Variants in IQGAP2 observed in about 807,000 individuals in gnomAD.
IQGAP2 encodes the protein ras GTPase-activating-like protein IQGAP2.
Under a neutral mutation model 201.3 loss-of-function variants are expected in IQGAP2, and 173 were observed. The ratio of observed to expected loss-of-function variants is 0.86; its 90% confidence interval spans 0.76 to 0.98. IQGAP2 has a LOEUF of 0.98. Ranked by LOEUF, IQGAP2 falls within the 50% of genes least tolerant of loss-of-function variation. The pLI, the probability that IQGAP2 is intolerant of heterozygous loss-of-function variation, is 0.00. For missense variants in IQGAP2, 1,687 were observed against 1,864.8 expected, an observed-to-expected ratio of 0.90 and a Z score of 1.76; for synonymous variants, 675 against 673.9, an observed-to-expected ratio of 1.00 and a Z score of -0.03.
At chr5:76,428,118 C>A (rs1487372431) in intron 1 of IQGAP2, among the ~76,000 whole-genome samples, 1 of 152,222 alleles carries the variant, frequency 6.6e-6, no homozygotes, top group Non-Finnish European at 1.5e-5. Flanking sequence ...TATTTGGTGG[C>A]TCCCTGGGTG....
intron 33 of IQGAP2, among the ~76,000 whole-genome samples, chr5:76,698,630 C>T (rs1355508989): frequency 1.3e-5 from 2 of 152,128 alleles, no homozygotes; most frequent in Non-Finnish European, 2.9e-5. Flanking sequence ...TGTCTATTAT[C>T]CATTAGCATA....
intron 16 of IQGAP2, among the ~76,000 whole-genome samples, chr5:76,640,506 C>G (rs2150401664): frequency 6.6e-6 from 1 of 152,308 alleles, no homozygotes; most frequent in African/African-American, 2.4e-5. Flanking sequence ...CTACTCTGGC[C>G]TGGGGAAGAA....
At chr5:76,541,651 A>C (rs1287954768) in intron 2 of IQGAP2, among the ~76,000 whole-genome samples, 1 of 152,208 alleles carries the variant, frequency 6.6e-6, no homozygotes, top group Non-Finnish European at 1.5e-5. Context: ...CTAACAGTTC[A>C]TAAGTGTTTC....
rs1484524751 is a variant in IQGAP2 at position 76,623,061 on chromosome 5, T to C, written c.1522-4349T>C. Reference sequence around the variant, plus strand: ...TTAATAATAAAGATCAAACTGCCTTTGGGGTTTACAGTTTGTGTGAGATGC... The same window carrying C: ...TTAATAATAAAGATCAAACTGCCTTCGGGGTTTACAGTTTGTGTGAGATGC... On this transcript the variant is annotated intron_variant, in intron 13 of 35. Coordinates refer to ENST00000274364, the MANE Select transcript of IQGAP2 (RefSeq NM_006633.5). 5 of 975,196 alleles carry C rather than the reference T, an allele frequency of 5.1e-6. No homozygotes were observed. The African/African-American group carries it at 8.1e-5, about 16-fold the overall frequency. The allele number at this position is 975,196 out of a possible 1,614,324, so 60.4% of individuals were successfully genotyped here.
At chr5:76,691,814 T>C (rs1746284964) in intron 30 of IQGAP2, 1 of 152,248 alleles carries the variant, frequency 6.6e-6, no homozygotes, top group Non-Finnish European at 1.5e-5. Context: ...AGATGGCTTA[T>C]TGGATTTTAT....
rs78114638 is a variant in IQGAP2 at position 76,581,926 on chromosome 5, A to G, written c.458+6157A>G. ...AAAACCACTTTGATAGGTTATCAAT[A>G]AGTGTTTGTATACAAAGGACACATT... On this transcript the variant is annotated intron_variant, in intron 5 of 35. Transcript: ENST00000274364. Among the ~76,000 whole-genome samples, 1,395 of 152,374 alleles carry G rather than the reference A, an allele frequency of 9.2e-3. 23 individuals carry two copies. The highest frequency in any genetic ancestry group is 0.031 in the African/African-American group (1,305 of 41,580).
At chr5:76,590,651 C>G in intron 8 of IQGAP2, 65 bp downstream of exon 8, 1 of 1,257,960 alleles carries the variant, frequency 7.9e-7, no homozygotes, top group Non-Finnish European at 1.1e-6. Context: ...TTTGAAAAGC[C>G]TTAATGTTGA....
intron 13 of IQGAP2, 138 bp from the exon 14 acceptor site, chr5:76,627,272 C>T: frequency 1.5e-6 from 1 of 687,304 alleles, no homozygotes; most frequent in East Asian, 2.8e-5. Context: ...GGAGTGTGTA[C>T]AGTATATGGC....
At chr5:76,665,505 G>A (rs1025008950) in intron 22 of IQGAP2, among the ~76,000 whole-genome samples, 6 of 151,942 alleles carry the variant, frequency 3.9e-5, no homozygotes, top group Admixed American at 3.3e-4. Flanking sequence ...ATTATACTAC[G>A]GTTACCTTCA....
intron 21 of IQGAP2, among the ~76,000 whole-genome samples, chr5:76,662,816 G>A (rs1161378880): frequency 6.6e-6 from 1 of 152,132 alleles, no homozygotes; most frequent in Non-Finnish European, 1.5e-5. Context: ...TAAAACAAGG[G>A]GGAAATGTTG....
chr5:76,589,490 T>A, intron 6 of IQGAP2, 125 bp from the exon 7 acceptor site: 1 of 550,082 alleles, frequency 1.8e-6, no homozygotes, highest in Non-Finnish European at 3.2e-6. Flanking sequence ...TTCCTAAGGC[T>A]CTTGTTTACA....
chr5:76,518,225 G>C (rs1006207537), intron 2 of IQGAP2, among the ~76,000 whole-genome samples: 1 of 152,132 alleles, frequency 6.6e-6, no homozygotes, highest in African/African-American at 2.4e-5. Context: ...GCCTCCCAAA[G>C]TGCTGGAATT....
chr5:76,482,883 C>A (rs777799680), intron 2 of IQGAP2, among the ~76,000 whole-genome samples: 1 of 152,036 alleles, frequency 6.6e-6, no homozygotes, highest in Non-Finnish European at 1.5e-5. Flanking sequence ...CCTGAGTGGC[C>A]TTGAGCAAAG....
intron 9 of IQGAP2, among the ~76,000 whole-genome samples, 171 bp downstream of exon 9, chr5:76,593,096 C>T (rs1383750023): frequency 6.6e-6 from 1 of 152,146 alleles, no homozygotes. Flanking sequence ...TTGGCAGTTT[C>T]CCACTGGGCT....
chr5:76,414,031 G>C (rs1405682690), intron 1 of IQGAP2, among the ~76,000 whole-genome samples: 1 of 152,194 alleles, frequency 6.6e-6, no homozygotes, highest in Non-Finnish European at 1.5e-5. Flanking sequence ...GTGAAGCTCA[G>C]CTGAGAGGAC....
chr5:76,607,298 T>G (rs1368433865), intron 12 of IQGAP2: 1 of 152,210 alleles, frequency 6.6e-6, no homozygotes, highest in Non-Finnish European at 1.5e-5. Context: ...TTTTCTTTGC[T>G]GTTTCCTGTG....
chr5:76,624,668 G>A (rs1750052916), intron 13 of IQGAP2, among the ~76,000 whole-genome samples: 1 of 152,112 alleles, frequency 6.6e-6, no homozygotes, highest in Admixed American at 6.6e-5. Context: ...CCTAGTTTCT[G>A]GTCATTTAAT....
At chr5:76,430,628 G>C (rs1044261480) in intron 1 of IQGAP2, among the ~76,000 whole-genome samples, 5 of 152,292 alleles carry the variant, frequency 3.3e-5, no homozygotes, top group African/African-American at 1.2e-4. Context: ...CGTCTCCCCA[G>C]ATTCAAGGAG....
intron 1 of IQGAP2, among the ~76,000 whole-genome samples, chr5:76,459,663 G>C (rs1053871320): frequency 6.6e-6 from 1 of 151,952 alleles, no homozygotes. Context: ...TTTTGAGACA[G>C]AGTCTCATAC....
Sources: allele counts gnomAD v4.1 joint callset (sites outside exome capture counted in the v4.1 genomes callset), GRCh38; gene constraint gnomAD v4.1.1; transcripts MANE v1.5; gene names NCBI Gene and HGNC (gene_info 2026-07-23, HGNC 2026-07-21).